Variants in RASGRF1 observed in about 807,000 individuals in gnomAD.
The protein encoded by RASGRF1 is ras-specific guanine nucleotide-releasing factor 1.
A neutral mutation model predicts 138.7 loss-of-function variants in RASGRF1; 40 were observed. The observed-to-expected ratio is 0.29, with a 90% confidence interval of 0.22 to 0.38. The LOEUF (loss-of-function observed/expected upper bound fraction) is 0.38. Ranked by LOEUF, RASGRF1 falls within the 10% of genes least tolerant of loss-of-function variation. RASGRF1 has a pLI of 1.00. For synonymous variants in RASGRF1, 614 were observed against 663.2 expected, an observed-to-expected ratio of 0.93 and a Z score of 1.14; for missense variants, 1,108 against 1,650.4, an observed-to-expected ratio of 0.67 and a Z score of 5.69.
At chr15:79,087,908 C>T (rs553059471) in intron 1 of RASGRF1, among the ~76,000 whole-genome samples, 2 of 152,310 alleles carry the variant, frequency 1.3e-5, no homozygotes, top group African/African-American at 4.8e-5. Context: ...TACTTTTAAC[C>T]CGGTTCTGTT....
chr15:79,084,491 G>A (rs978681697), intron 1 of RASGRF1, among the ~76,000 whole-genome samples: 6 of 152,200 alleles, frequency 3.9e-5, no homozygotes, highest in Admixed American at 3.3e-4. Context: ...CGTCCCCTGC[G>A]GTGCACCTGG....
chr15:79,002,354 A>G (rs537551688), intron 15 of RASGRF1, among the ~76,000 whole-genome samples: 1 of 152,284 alleles, frequency 6.6e-6, no homozygotes, highest in African/African-American at 2.4e-5. Flanking sequence ...CTGATGAATT[A>G]TATTAAAAGC....
Position 78,963,303 on chromosome 15 carries a change from T to A in RASGRF1, c.3682-1067A>T, listed in dbSNP as rs560207037. On this transcript the variant is annotated intron_variant, in intron 26 of 26. Coordinates refer to ENST00000558480, the MANE Select transcript of RASGRF1 (RefSeq NM_001145648.3). ...TAAATCCAGAGCAGAAAGAAAAAAATTTTCTTTTTTTTTTTTGAGACAGCA... is the reference window on the plus strand; with the variant it reads ...TAAATCCAGAGCAGAAAGAAAAAAAATTTCTTTTTTTTTTTTGAGACAGCA... 6.2e-5 allele frequency among the ~76,000 whole-genome samples: 9 copies of A among 146,332 alleles called. No homozygotes were observed. The South Asian group carries it at 1.5e-3, about 24-fold the overall frequency.
At chr15:79,036,552 A>C (rs540547111) in intron 5 of RASGRF1, among the ~76,000 whole-genome samples, 2 of 152,294 alleles carry the variant, frequency 1.3e-5, no homozygotes, top group South Asian at 4.1e-4. Context: ...CTGTCTTAGC[A>C]CAATGAGAGC....
intron 1 of RASGRF1, chr15:79,064,748 A>G (rs1459676431): frequency 3.7e-6 from 2 of 533,994 alleles, no homozygotes; most frequent in East Asian, 6.4e-5. Context: ...GGATATTGTA[A>G]GAAGGAAACA....
At chr15:79,072,137 C>G (rs115875264) in intron 1 of RASGRF1, among the ~76,000 whole-genome samples, 2,206 of 152,234 alleles carry the variant, frequency 0.014, 59 homozygotes, top group African/African-American at 0.05. Context: ...CAGGCCAGCT[C>G]AGCTCCCTGG....
intron 5 of RASGRF1, among the ~76,000 whole-genome samples, chr15:79,041,478 T>C (rs1049689325): frequency 6.6e-6 from 1 of 152,080 alleles, no homozygotes; most frequent in Non-Finnish European, 1.5e-5. Flanking sequence ...AAGAGAAGCA[T>C]AGGGGCTCTG....
In RASGRF1 at chr15:79,018,128, C is replaced by T. The variant is rs142515881; in HGVS notation, c.1607-222G>A. On this transcript the variant is annotated intron_variant, in intron 11 of 26. Coordinates refer to ENST00000558480, the MANE Select transcript of RASGRF1 (RefSeq NM_001145648.3). Reference sequence around the variant, plus strand: ...GCTTACAACCACTCAGGGGCAGTTCCGGATTCAGAGCAGGAGAGCCTTTAG... The same window carrying T: ...GCTTACAACCACTCAGGGGCAGTTCTGGATTCAGAGCAGGAGAGCCTTTAG... 7.9e-3 allele frequency among the ~76,000 whole-genome samples: 1,204 copies of T among 152,372 alleles called. 6 individuals carry two copies. The highest frequency in any genetic ancestry group is 0.013 in the Non-Finnish European group (909 of 68,034).
At chr15:79,038,347 C>T (rs771185082) in intron 5 of RASGRF1, among the ~76,000 whole-genome samples, 1 of 152,152 alleles carries the variant, frequency 6.6e-6, no homozygotes. Context: ...AGCAGCATAT[C>T]AGGAACATCA....
rs2057152237 is a variant in RASGRF1, at chr15:79,032,330, G to A, written c.959-14C>T. 2 of 1,613,052 alleles carry A rather than the reference G, an allele frequency of 1.2e-6. No individual in the cohort carries two copies. The highest frequency in any genetic ancestry group is 1.3e-5 in the African/African-American group (1 of 74,888). ...CAAATAGGTCAGCTGGAAGGACGAG[G>A]CAGTCAGCGGGTGGCTAGGGCAGCT... is the stretch of plus-strand genomic sequence containing the variant. On this transcript the variant is annotated splice_polypyrimidine_tract_variant and intron_variant, in intron 6 of 26. Coordinates refer to ENST00000558480, the MANE Select transcript of RASGRF1 (RefSeq NM_001145648.3). This position sits in a 1 kb window ranked among gnomAD's most constrained non-coding sequence, Gnocchi z 4.5.
At chr15:79,065,935 G>GGAGA (rs900989746) in intron 1 of RASGRF1, among the ~76,000 whole-genome samples, 3 of 150,878 alleles carry the variant, frequency 2.0e-5, no homozygotes, top group Admixed American at 6.6e-5. Flanking sequence ...GAGTATGGCA[G>GGAGA]GAGAGAGAGA....
chr15:78,963,691 T>C (rs1306856549), intron 26 of RASGRF1, among the ~76,000 whole-genome samples: 1 of 152,186 alleles, frequency 6.6e-6, no homozygotes, highest in Admixed American at 6.5e-5. Context: ...TTGACTCTGC[T>C]ACTATAAAGG....
intron 5 of RASGRF1, among the ~76,000 whole-genome samples, chr15:79,039,821 G>GT (rs2057273067): frequency 6.6e-6 from 1 of 152,142 alleles, no homozygotes; most frequent in South Asian, 2.1e-4. Flanking sequence ...CCAGACTGGA[G>GT]TATGGTGGTG....
intron 13 of RASGRF1, among the ~76,000 whole-genome samples, chr15:79,008,051 C>T (rs1308968699): frequency 6.6e-6 from 1 of 151,832 alleles, no homozygotes; most frequent in Non-Finnish European, 1.5e-5. Flanking sequence ...CCATGTTGGC[C>T]AGGCTGGTCT....
At chr15:78,977,995 G>A (rs1379898445) in intron 24 of RASGRF1, among the ~76,000 whole-genome samples, 1 of 152,096 alleles carries the variant, frequency 6.6e-6, no homozygotes, top group East Asian at 1.9e-4. Flanking sequence ...ATGTAGGCTT[G>A]GGGAATGAGA....
In RASGRF1 at chr15:78,993,574, G is replaced by A. The variant is rs577809342; in HGVS notation, c.3028-1780C>T. Reference sequence around the variant, plus strand: ...GCCGGGTTGTAGTGAGAGAACCCAGGCAGGGGATCCCCTGTGTGCTCACAG... The same window carrying A: ...GCCGGGTTGTAGTGAGAGAACCCAGACAGGGGATCCCCTGTGTGCTCACAG... On this transcript the variant is annotated intron_variant, in intron 20 of 26. Coordinates refer to ENST00000558480, the MANE Select transcript of RASGRF1 (RefSeq NM_001145648.3). Among the ~76,000 whole-genome samples, 3 of 152,202 alleles carry A rather than the reference G, an allele frequency of 2.0e-5. No homozygotes were observed. The East Asian group carries it at 5.8e-4, about 29-fold the overall frequency.
At chr15:78,995,980 G>A (rs748001818) in intron 19 of RASGRF1, among the ~76,000 whole-genome samples, 180 bp from the exon 20 acceptor site, 8 of 152,110 alleles carry the variant, frequency 5.3e-5, no homozygotes, top group Non-Finnish European at 1.2e-4. Flanking sequence ...GGCGCTCCTG[G>A]CTGTGGGAGG....
rs1481710612 is a variant in RASGRF1, at chr15:78,973,132, T to G, written c.3612+171A>C. Among the ~76,000 whole-genome samples the G allele has an allele frequency of 6.6e-6, 1 of 152,158 alleles. No homozygotes were observed. Among genetic ancestry groups the G allele is most frequent in the African/African-American group, 2.4e-5 (1 of 41,416 alleles). On this transcript the variant is annotated intron_variant, in intron 25 of 26. Coordinates refer to ENST00000558480, the MANE Select transcript of RASGRF1 (RefSeq NM_001145648.3). The surrounding 1 kb of genome is among the most constrained non-coding windows in gnomAD (Gnocchi z 4.9). ...GGCTCAGGGCCTGCCAGATTCTAAC[T>G]GCTCATCAATGATAGTGATGGCTGT...
At chr15:78,988,147 G>C (rs928984760) in intron 22 of RASGRF1, among the ~76,000 whole-genome samples, 1 of 152,216 alleles carries the variant, frequency 6.6e-6, no homozygotes, top group Admixed American at 6.5e-5. Flanking sequence ...ATTGTACTCT[G>C]CTGTGTAATG....
Sources: gnomAD v4.1 joint callset for allele counts (sites outside exome capture counted in the v4.1 genomes callset) on GRCh38, gnomAD v4.1.1 for gene constraint, Gnocchi (gnomAD v3.1) non-coding constraint, MANE v1.5 for transcripts, NCBI Gene and HGNC (gene_info 2026-07-23, HGNC 2026-07-21) for gene names.